Variants in AFF3 observed in about 807,000 individuals in gnomAD.
The protein encoded by AFF3 is ALF transcription elongation factor 3, also known as AF4/FMR2 family member 3.
A neutral mutation model predicts 129.7 loss-of-function variants in AFF3; 32 were observed. That is an observed-to-expected ratio of 0.25 (90% confidence interval 0.19 to 0.33). AFF3 has a LOEUF of 0.33. Among genes scored for constraint, AFF3 ranks in the 10% least tolerant of loss-of-function variants. The probability of loss-of-function intolerance (pLI) is 1.00; values close to 1 mark genes in which losing one functional copy is unlikely to be tolerated. For synonymous variants in AFF3, 644 were observed against 635.4 expected (o/e 1.01, Z -0.20); for missense variants, 1,373 against 1,592.0 (o/e 0.86, Z 2.34).
chr2:99,779,108 G>C (rs192574262), intron 8 of AFF3, among the ~76,000 whole-genome samples: 1 of 152,122 alleles, frequency 6.6e-6, no homozygotes, highest in Non-Finnish European at 1.5e-5. Context: ...TCTAGCTCCC[G>C]ATCTTAGGGG....
intron 13 of AFF3, chr2:99,630,811 C>T (rs1277478047): frequency 8.6e-6 from 2 of 233,030 alleles, no homozygotes; most frequent in African/African-American, 4.7e-5. Context: ...AATCCAATCA[C>T]CTCCCACCAG....
At chr2:99,906,873 A>C (rs1694756927) in intron 7 of AFF3, among the ~76,000 whole-genome samples, 1 of 151,358 alleles carries the variant, frequency 6.6e-6, no homozygotes, top group Non-Finnish European at 1.5e-5. Context: ...ACACACACAC[A>C]ATCTATGTAC....
At chr2:100,020,407 TC>T (rs1683491488) in intron 4 of AFF3, among the ~76,000 whole-genome samples, 1 of 152,052 alleles carries the variant, frequency 6.6e-6, no homozygotes, top group African/African-American at 2.4e-5. Flanking sequence ...TCAGGTGCCA[TC>T]TTTATGTTGA....
intron 4 of AFF3, among the ~76,000 whole-genome samples, chr2:100,074,966 A>G (rs1688475857): frequency 6.6e-6 from 1 of 152,248 alleles, no homozygotes; most frequent in South Asian, 2.1e-4. Flanking sequence ...TTTAAATGTT[A>G]AAAGGACCAT....
chr2:99,671,658 CATT>C (rs1687155314), intron 12 of AFF3, among the ~76,000 whole-genome samples: 1 of 152,068 alleles, frequency 6.6e-6, no homozygotes, highest in Non-Finnish European at 1.5e-5. Flanking sequence ...AACAGAACAG[CATT>C]ATTATTTTGT....
At position 99,660,262 on chromosome 2, in the gene AFF3, C is replaced by T. The variant is rs1041650522; in HGVS notation, c.1144-10596G>A. 3.9e-5 allele frequency among the ~76,000 whole-genome samples: 6 copies of T among 152,236 alleles called. No individual in the cohort carries two copies. In the South Asian group the frequency reaches 1.2e-3, roughly 32 times the overall value. The stretch of plus-strand genomic sequence containing the variant: ...ATGTTACTTTGTTTTTGTAGAAAGA[C>T]CAGATGAAAATAACACAAAATGTTT... On this transcript the variant is annotated intron_variant, in intron 12 of 24. Transcript: ENST00000672756.
intron 2 of AFF3, among the ~76,000 whole-genome samples, chr2:100,110,752 C>T (rs928346759): frequency 2.0e-5 from 3 of 152,190 alleles, no homozygotes; most frequent in African/African-American, 7.2e-5. Flanking sequence ...GTTCATGCAG[C>T]AGACACGGCT....
chr2:100,103,666 C>A (rs1304137374), intron 4 of AFF3, among the ~76,000 whole-genome samples: 1 of 151,964 alleles, frequency 6.6e-6, no homozygotes, highest in Non-Finnish European at 1.5e-5. Flanking sequence ...AGAAACGGAA[C>A]CTGGAGTGCC....
intron 4 of AFF3, among the ~76,000 whole-genome samples, chr2:100,032,112 G>A (rs892532777): frequency 3.9e-5 from 6 of 152,258 alleles, no homozygotes; most frequent in Middle Eastern, 6.8e-3. Context: ...AGAGAAAAGG[G>A]AAAGGGTAAT....
In AFF3 at chr2:99,796,789, C is replaced by T. The variant is rs1321864860; in HGVS notation, c.921+40688G>A. On this transcript the variant is annotated intron_variant, in intron 8 of 24. Coordinates refer to ENST00000672756, the MANE Select transcript of AFF3 (RefSeq NM_001386135.1). Reference sequence around the variant, plus strand: ...TCTGAAAGGATTACAGAAAAAAATACCAGGTGCTTACAAGGCCAGGAACAG... The same window carrying T: ...TCTGAAAGGATTACAGAAAAAAATATCAGGTGCTTACAAGGCCAGGAACAG... 2.0e-5 allele frequency among the ~76,000 whole-genome samples: 3 copies of T among 152,138 alleles called. No homozygotes were observed. In the South Asian group the frequency reaches 6.2e-4, roughly 32 times the overall value.
At chr2:99,706,650 C>T (rs1208158731) in intron 11 of AFF3, among the ~76,000 whole-genome samples, 1 of 152,160 alleles carries the variant, frequency 6.6e-6, no homozygotes, top group African/African-American at 2.4e-5. Flanking sequence ...AATAATAGTT[C>T]ATATTTCACT....
chr2:99,966,358 T>C lies in AFF3; in HGVS notation c.873+40274A>G, dbSNP rs943604580. On this transcript the variant is annotated intron_variant, in intron 7 of 24. Transcript: ENST00000672756. ...ATTCATGGACAAAAAATAATAATAA[T>C]AACCTAGGGAAACTAAACCCAGAAA... Among the ~76,000 whole-genome samples the C allele has an allele frequency of 2.6e-5, 4 of 152,152 alleles. No homozygotes were observed. In the East Asian group the frequency reaches 7.7e-4, roughly 29 times the overall value.
intron 7 of AFF3, among the ~76,000 whole-genome samples, chr2:99,993,573 T>C (rs1380520223): frequency 6.6e-6 from 1 of 151,038 alleles, no homozygotes; most frequent in Non-Finnish European, 1.5e-5. Context: ...ATAAAAATAA[T>C]ATACAAAAAC....
chr2:100,116,547 T>A (rs13397886), intron 2 of AFF3, among the ~76,000 whole-genome samples: 53,950 of 151,942 alleles, frequency 0.36, 11,865 homozygotes, highest in African/African-American at 0.62. Context: ...TGAAAGTAAA[T>A]CATGAATTCT....
intron 18 of AFF3, among the ~76,000 whole-genome samples, chr2:99,573,856 A>T (rs1676737805): frequency 6.6e-6 from 1 of 152,212 alleles, no homozygotes; most frequent in Non-Finnish European, 1.5e-5. Context: ...TACAGGCAGC[A>T]GCCAGCACTT....
At chr2:99,788,287 G>T (rs1684953318) in intron 8 of AFF3, among the ~76,000 whole-genome samples, 1 of 151,988 alleles carries the variant, frequency 6.6e-6, no homozygotes, top group South Asian at 2.1e-4. Context: ...TCCTCATGAG[G>T]TATCCAGAAG....
intron 4 of AFF3, among the ~76,000 whole-genome samples, chr2:100,022,795 T>C (rs1204107886): frequency 6.6e-6 from 1 of 152,124 alleles, no homozygotes; most frequent in East Asian, 1.9e-4. Context: ...GCTAGCTCTG[T>C]GATATGGAGA....
chr2:99,751,968 TG>T (rs1681695901), intron 9 of AFF3, among the ~76,000 whole-genome samples: 1 of 152,224 alleles, frequency 6.6e-6, no homozygotes, highest in African/African-American at 2.4e-5. Flanking sequence ...ACTTCATGAA[TG>T]TTTTTTAGAC....
intron 8 of AFF3, among the ~76,000 whole-genome samples, chr2:99,788,968 G>GAACAT (rs1240761666): frequency 6.6e-6 from 1 of 152,208 alleles, no homozygotes; most frequent in Non-Finnish European, 1.5e-5. Flanking sequence ...AGGAGCAACA[G>GAACAT]ACCATACCAT....
Sources: allele counts gnomAD v4.1 joint callset (sites outside exome capture counted in the v4.1 genomes callset), GRCh38; gene constraint gnomAD v4.1.1; transcripts MANE v1.5; gene names NCBI Gene and HGNC (gene_info 2026-07-23, HGNC 2026-07-21).